The following ZFAT variants were observed in gnomAD, a reference collection of about 807,000 sequenced individuals.
ZFAT encodes zinc finger and AT-hook domain containing.
Under a neutral mutation model 117.7 loss-of-function variants are expected in ZFAT, and 64 were observed. The ratio of observed to expected loss-of-function variants is 0.54; its 90% CI spans 0.44 to 0.67. ZFAT has a LOEUF of 0.67. Among genes scored for constraint, ZFAT ranks in the 30% least tolerant of loss-of-function variants. The probability of loss-of-function intolerance (pLI) is 0.00; values close to 1 mark genes in which losing one functional copy is unlikely to be tolerated. For missense variants in ZFAT, 1,433 were observed against 1,584.5 expected, an observed-to-expected ratio of 0.90 and a Z score of 1.62; for synonymous variants, 679 against 615.0, an observed-to-expected ratio of 1.10 and a Z score of -1.54.
At chr8:134,795,899 A>G in the ZFAT span, 1 of 152,222 alleles carries the variant, frequency 6.6e-6, no homozygotes, top group Non-Finnish European at 1.5e-5. Flanking sequence ...AGAGGCCTTG[A>G]GGCTGCTTCT....
chr8:134,707,299 G>A (rs1260156007), intron 1 of ZFAT, among the ~76,000 whole-genome samples: 4 of 152,276 alleles, frequency 2.6e-5, no homozygotes, highest in East Asian at 1.9e-4. Flanking sequence ...ACAGGAATCC[G>A]TTTTCCACTG....
rs182288776 is a variant in ZFAT at position 134,643,521 on chromosome 8, C to A, written c.197-5809G>T. On this transcript the variant is annotated intron_variant, in intron 2 of 15. Coordinates refer to ENST00000377838, the MANE Select transcript of ZFAT (RefSeq NM_020863.4). ...GCATCATGTATGAACATGCACTTGTCTCAGAACCTATGAAAAAGGTCAGTA... is the reference window on the plus strand; with the variant it reads ...GCATCATGTATGAACATGCACTTGTATCAGAACCTATGAAAAAGGTCAGTA... Among the ~76,000 whole-genome samples the A allele has an allele frequency of 2.3e-3, 352 of 152,214 alleles. 1 individual carries two copies. Among genetic ancestry groups the A allele is most frequent in the African/African-American group, 8.2e-3 (341 of 41,478 alleles).
At chr8:134,710,759 T>C (rs1201068558) in intron 1 of ZFAT, among the ~76,000 whole-genome samples, 4 of 152,224 alleles carry the variant, frequency 2.6e-5, no homozygotes, top group Non-Finnish European at 5.9e-5. Context: ...ATTTTGATCA[T>C]GAAACAAAGT....
chr8:134,598,655 C>T (rs1380540401), intron 7 of ZFAT: 1 of 152,186 alleles, frequency 6.6e-6, no homozygotes, highest in Non-Finnish European at 1.5e-5. Flanking sequence ...ACATACAGTC[C>T]CAGGTGGTAA....
At chr8:134,482,011 T>G (rs1156734997) in intron 15 of ZFAT, among the ~76,000 whole-genome samples, 1 of 152,150 alleles carries the variant, frequency 6.6e-6, no homozygotes, top group Non-Finnish European at 1.5e-5. Flanking sequence ...TTCTCTACCA[T>G]CCGGCATGAG....
In ZFAT at chr8:134,602,365, T is replaced by G; in HGVS notation, c.1354A>C (p.Arg452=). ...TKYQALELHV[R]KHPFVYVCAV... is the part of the protein sequence containing the mutation. ...CAGACGTACACGAAGGGGTGCTTCC[T>G]GACATGCAGTTCCAGCGCCTGGTAC... The change falls in exon 6 of 16, where the codon AGG becomes CGG. Residue 452 remains arginine (R), a synonymous_variant. Coordinates refer to ENST00000377838, the MANE Select transcript of ZFAT (RefSeq NM_020863.4). 6.2e-7 allele frequency: 1 copy of G among 1,613,878 alleles called. No homozygotes were observed. Among genetic ancestry groups the G allele is most frequent in the South Asian group, 1.1e-5 (1 of 91,092 alleles).
chr8:134,710,974 A>G (rs1239516326), intron 1 of ZFAT, among the ~76,000 whole-genome samples: 1 of 152,252 alleles, frequency 6.6e-6, no homozygotes, highest in Non-Finnish European at 1.5e-5. Context: ...CAAGGTGTTC[A>G]AGGTACCTAA....
the ZFAT span, among the ~76,000 whole-genome samples, chr8:134,760,385 T>C: frequency 9.5e-4 from 144 of 152,256 alleles, 1 homozygote; most frequent in Non-Finnish European, 1.7e-3. Flanking sequence ...AACCAGACCA[T>C]TGATTTGGTA....
chr8:134,679,999 G>A (rs897719890), intron 1 of ZFAT, among the ~76,000 whole-genome samples: 1 of 151,880 alleles, frequency 6.6e-6, no homozygotes, highest in African/African-American at 2.4e-5. Context: ...GCAGATGACA[G>A]GTTGATGGGT....
upstream of ZFAT, among the ~76,000 whole-genome samples, chr8:134,715,576 A>G (rs1266085509): frequency 6.6e-6 from 1 of 152,248 alleles, no homozygotes; most frequent in Non-Finnish European, 1.5e-5. Context: ...TCTATTTGCC[A>G]GTAATATTTC....
chr8:134,745,190 C>G, the ZFAT span, among the ~76,000 whole-genome samples: 46 of 152,184 alleles, frequency 3.0e-4, no homozygotes, highest in Non-Finnish European at 5.3e-4. Context: ...TACAGCCCTG[C>G]TCACACTTGA....
chr8:134,785,074 T>C, the ZFAT span: 11 of 152,208 alleles, frequency 7.2e-5, no homozygotes, highest in African/African-American at 2.4e-4. Flanking sequence ...TATGAATTAT[T>C]TTCTCAACAT....
chr8:134,580,991 A>T (rs924008034), intron 10 of ZFAT, among the ~76,000 whole-genome samples: 2 of 152,208 alleles, frequency 1.3e-5, no homozygotes, highest in South Asian at 2.1e-4. Flanking sequence ...GTATATAAAA[A>T]GATACCATAA....
At chr8:134,654,687 C>T (rs1017487322) in intron 2 of ZFAT, among the ~76,000 whole-genome samples, 1 of 152,218 alleles carries the variant, frequency 6.6e-6, no homozygotes, top group Non-Finnish European at 1.5e-5. Context: ...CAAAGGGTGA[C>T]AGCTGGGACG....
At chr8:134,696,326 G>A in intron 1 of ZFAT, 1 of 950,392 alleles carries the variant, frequency 1.1e-6, no homozygotes. Flanking sequence ...TTCCTGCCAG[G>A]AGTTGCTATA....
At chr8:134,767,280 T>C in the ZFAT span, 1 of 152,234 alleles carries the variant, frequency 6.6e-6, no homozygotes. Flanking sequence ...AAATTTCTCA[T>C]CATGACTGTG....
At chr8:134,520,746 G>C (rs1166753968) in intron 13 of ZFAT, 137 bp downstream of exon 13, 5 of 675,408 alleles carry the variant, frequency 7.4e-6, no homozygotes, top group Non-Finnish European at 1.3e-5. Context: ...GACATCATTT[G>C]AAAACGTTTC....
chr8:134,713,893 G>GCC (rs1368521127), upstream of ZFAT, among the ~76,000 whole-genome samples: 12 of 470 alleles, frequency 0.026, no homozygotes, highest in Admixed American at 0.058. Context: ...CCTTACCTCT[G>GCC]TCAATGGTCA....
Position 134,608,728 on chromosome 8 carries a change from C to T in ZFAT, c.785+1G>A, listed in dbSNP as rs1209457501. ...AAGTTACACAGAACAAAACACTTTA[C>T]CTGCTTGACTTCATTGGTTGCTCAT... On this transcript the variant is annotated splice_donor_variant, in intron 5 of 15. Coordinates refer to ENST00000377838, the MANE Select transcript of ZFAT (RefSeq NM_020863.4). LOFTEE classifies it high-confidence loss of function. 1 of 1,609,730 alleles carries T rather than the reference C, an allele frequency of 6.2e-7. No homozygotes were observed.
Sources: gnomAD v4.1 joint callset for allele counts (sites outside exome capture counted in the v4.1 genomes callset) on GRCh38, gnomAD v4.1.1 for gene constraint, MANE v1.5 for transcripts, NCBI Gene and HGNC (gene_info 2026-07-23, HGNC 2026-07-21) for gene names.